NKAIN3: variants seen among roughly 807,000 people sequenced by gnomAD.
NKAIN3 encodes the protein sodium/potassium-transporting ATPase subunit beta-1-interacting protein 3.
A neutral mutation model predicts 30.2 loss-of-function variants in NKAIN3; 25 were observed. That is an observed-to-expected ratio of 0.83 (90% CI 0.60 to 1.16). The LOEUF is 1.16. Among genes scored for constraint, NKAIN3 ranks in the 50% most tolerant of loss-of-function variants. The pLI, the probability that NKAIN3 is intolerant of heterozygous loss-of-function variation, is 0.00. For missense variants in NKAIN3, 225 were observed against 254.1 expected (o/e 0.89, Z 0.78); for synonymous variants, 91 against 89.6 (o/e 1.02, Z -0.09).
Position 62,603,921 on chromosome 8 carries a change from G to A in NKAIN3, c.273+14127G>A, listed in dbSNP as rs577004699. On this transcript the variant is annotated intron_variant, in intron 3 of 6. Transcript: ENST00000623646. The stretch of plus-strand genomic sequence containing the variant: ...GCTGAGAGAGGTGGAAAGAGAGAAA[G>A]GTTTTGTTTTATCTGCAGGAAGCCA... Among the ~76,000 whole-genome samples the A allele has an allele frequency of 5.9e-5, 9 of 152,200 alleles. No homozygotes were observed. The East Asian group carries it at 1.7e-3, about 30-fold the overall frequency.
chr8:62,758,733 G>T (rs532792016), intron 4 of NKAIN3, among the ~76,000 whole-genome samples: 1 of 152,146 alleles, frequency 6.6e-6, no homozygotes, highest in South Asian at 2.1e-4. Flanking sequence ...CATATTTTAG[G>T]TACATATACA....
chr8:62,856,568 G>A (rs1820065277), intron 4 of NKAIN3: 3 of 783,894 alleles, frequency 3.8e-6, no homozygotes, highest in Non-Finnish European at 7.0e-6. Context: ...TCATTGCCAT[G>A]GGGTTGTCTT....
chr8:62,500,450 A>AAAGG (rs1807395894), intron 1 of NKAIN3, among the ~76,000 whole-genome samples: 1 of 138,928 alleles, frequency 7.2e-6, no homozygotes, highest in East Asian at 2.0e-4. Flanking sequence ...AGAAAGAAAG[A>AAAGG]AAGAAAGAAA....
chr8:62,450,385 C>G (rs1805605391), intron 1 of NKAIN3, among the ~76,000 whole-genome samples: 1 of 152,234 alleles, frequency 6.6e-6, no homozygotes, highest in East Asian at 1.9e-4. Flanking sequence ...TGGAATTCTC[C>G]TCCAATTACA....
chr8:62,743,399 C>T (rs10090130), intron 3 of NKAIN3, among the ~76,000 whole-genome samples: 12,962 of 151,976 alleles, frequency 0.085, 561 homozygotes, highest in African/African-American at 0.087. Context: ...CTTTTTTCCC[C>T]GTTGAAAGGG....
At position 62,983,400 on chromosome 8, in the gene NKAIN3, G is replaced by C. The variant is rs80130221; in HGVS notation, c.*17993G>C. 8.2e-4 allele frequency: 125 copies of C among 152,238 alleles called. No homozygotes were observed. The highest frequency in any genetic ancestry group is 2.9e-3 in the African/African-American group (119 of 41,522). The allele number at this position is 152,238 out of a possible 1,614,324, so 9.4% of individuals were successfully genotyped here. On this transcript the variant is annotated 3_prime_UTR_variant, in exon 7 of 7. Coordinates refer to ENST00000623646, the MANE Select transcript of NKAIN3 (RefSeq NM_001304533.3). ...CTTCTTCCAGTTTCAGAGCCCCAGC[G>C]ATCCCAGGATGAAGGAGAGCCCATT... is the stretch of plus-strand genomic sequence containing the variant.
At chr8:62,437,940 C>T (rs889273723) in intron 1 of NKAIN3, among the ~76,000 whole-genome samples, 2 of 152,146 alleles carry the variant, frequency 1.3e-5, no homozygotes, top group Admixed American at 6.5e-5. Context: ...AGAGGTTTAA[C>T]GTTATTTGAT....
chr8:62,431,919 A>T lies in NKAIN3; in HGVS notation c.55-147620A>T, dbSNP rs1375791441. ...ACTGTTTTCACCCAATTAAACTATA[A>T]CTGATTTGTGGTTAGCCCATGTCAT... is the stretch of plus-strand genomic sequence containing the variant. On this transcript the variant is annotated intron_variant, in intron 1 of 6. Transcript: ENST00000623646. 7.9e-5 allele frequency among the ~76,000 whole-genome samples: 12 copies of T among 151,168 alleles called. 1 individual carries two copies. Among genetic ancestry groups the T allele is most frequent in the African/African-American group, 2.9e-4 (12 of 41,060 alleles).
chr8:62,345,554 TATATATACAC>T (rs1281766474), intron 1 of NKAIN3, among the ~76,000 whole-genome samples: 39 of 136,598 alleles, frequency 2.9e-4, no homozygotes, highest in East Asian at 1.3e-3. Context: ...CACATATATG[TATATATACAC>T]ATATATACAC....
At chr8:62,298,213 T>C (rs1216836670) in intron 1 of NKAIN3, among the ~76,000 whole-genome samples, 2 of 151,374 alleles carry the variant, frequency 1.3e-5, no homozygotes, top group Admixed American at 6.6e-5. Context: ...AGGAGATATA[T>C]CTAATGCTAA....
In NKAIN3 at chr8:62,921,531, C is replaced by T. The variant is rs181301127; in HGVS notation, c.532+3018C>T. Among the ~76,000 whole-genome samples, 35 of 152,260 alleles carry T rather than the reference C, an allele frequency of 2.3e-4. No homozygotes were observed. The East Asian group carries it at 4.5e-3, about 19-fold the overall frequency. On this transcript the variant is annotated intron_variant, in intron 5 of 6. Coordinates refer to ENST00000623646, the MANE Select transcript of NKAIN3 (RefSeq NM_001304533.3). Reference sequence around the variant, plus strand: ...TCTAGCCACCCGTCTTCTTAGTTACCTCTCAGCCTCTTTTATTAACTATTT... The same window carrying T: ...TCTAGCCACCCGTCTTCTTAGTTACTTCTCAGCCTCTTTTATTAACTATTT...
chr8:62,448,435 T>C (rs1805547498), intron 1 of NKAIN3, among the ~76,000 whole-genome samples: 1 of 147,334 alleles, frequency 6.8e-6, no homozygotes, highest in Admixed American at 6.8e-5. Context: ...AAAGATAATA[T>C]ATAAAAATAA....
intron 1 of NKAIN3, among the ~76,000 whole-genome samples, chr8:62,435,691 A>G (rs1563397959): frequency 6.6e-6 from 1 of 152,204 alleles, no homozygotes; most frequent in Non-Finnish European, 1.5e-5. Flanking sequence ...TTGTTATCCA[A>G]GATTATGAAG....
intron 1 of NKAIN3, among the ~76,000 whole-genome samples, chr8:62,261,247 T>C (rs949573750): frequency 2.6e-5 from 4 of 152,206 alleles, no homozygotes; most frequent in Admixed American, 2.0e-4. Flanking sequence ...TGTTTAAACA[T>C]AATAGAGAAG....
intron 6 of NKAIN3, among the ~76,000 whole-genome samples, chr8:62,959,433 GGTGT>G (rs35737951): frequency 0.01 from 1,469 of 143,218 alleles, 15 homozygotes; most frequent in Admixed American, 0.028. Flanking sequence ...GACAAATCAG[GGTGT>G]GTGTGTGTGT....
intron 1 of NKAIN3, among the ~76,000 whole-genome samples, chr8:62,526,843 C>G (rs895247172): frequency 6.6e-6 from 1 of 152,090 alleles, no homozygotes; most frequent in South Asian, 2.1e-4. Flanking sequence ...AGGCTTAGCC[C>G]GCAGCGATCA....
chr8:62,892,406 T>C (rs1821320455), intron 4 of NKAIN3, among the ~76,000 whole-genome samples: 1 of 152,182 alleles, frequency 6.6e-6, no homozygotes, highest in Non-Finnish European at 1.5e-5. Context: ...ATTTTTAAAA[T>C]TGTCGTCTTA....
At chr8:62,333,094 G>T (rs1206252696) in intron 1 of NKAIN3, among the ~76,000 whole-genome samples, 1 of 152,014 alleles carries the variant, frequency 6.6e-6, no homozygotes, top group Non-Finnish European at 1.5e-5. Context: ...AGATATTTTT[G>T]ATTTTCCATT....
chr8:62,867,740 C>T (rs935008868), intron 4 of NKAIN3, among the ~76,000 whole-genome samples: 2 of 152,164 alleles, frequency 1.3e-5, no homozygotes, highest in African/African-American at 4.8e-5. Flanking sequence ...AATAGCCTAG[C>T]GTTTAACCGA....
Sources: allele counts gnomAD v4.1 joint callset (sites outside exome capture counted in the v4.1 genomes callset), GRCh38; gene constraint gnomAD v4.1.1; transcripts MANE v1.5; gene names NCBI Gene and HGNC (gene_info 2026-07-23, HGNC 2026-07-21).